Variants in LRRC27 observed in about 807,000 individuals in gnomAD.
LRRC27 encodes leucine rich repeat containing 27, also known as leucine-rich repeat-containing protein 27.
Under a neutral mutation model 55.0 loss-of-function variants are expected in LRRC27, and 57 were observed. The ratio of observed to expected loss-of-function variants is 1.04; its 90% CI spans 0.84 to 1.29. LRRC27 has a LOEUF of 1.29. LRRC27 is among the 50% of genes most tolerant of loss of function. The pLI, the probability that LRRC27 is intolerant of heterozygous loss-of-function variation, is 0.00. For missense variants in LRRC27, 721 were observed against 651.5 expected (o/e 1.11, Z -1.16); for synonymous variants, 278 against 251.9 (o/e 1.10, Z -0.98).
In LRRC27 at chr10:132,351,698, G is replaced by A; in HGVS notation, c.1018G>A (p.Ala340Thr). 6.2e-7 allele frequency: 1 copy of A among 1,613,904 alleles called. No homozygotes were observed. The highest frequency in any genetic ancestry group is 8.5e-7 in the Non-Finnish European group (1 of 1,180,002). ...AGCAAAAAGACTGGAAGAGAGCCGA[G>A]CGGCGGCGCTCCGAGAGCTCCAGGA... is the stretch of plus-strand genomic sequence containing the variant. Reference protein sequence around the residue: ...IRAKRLEESRAAALRELQEKQ... With the variant: ...IRAKRLEESRTAALRELQEKQ... Residue 340 changes from alanine to threonine, a missense_variant, in exon 7 of 11, where the codon GCG becomes ACG. By Grantham distance (58) the Ala-to-Thr change is moderately conservative. Coordinates refer to ENST00000368614, the MANE Select transcript of LRRC27 (RefSeq NM_030626.3).
intron 9 of LRRC27, among the ~76,000 whole-genome samples, chr10:132,365,157 A>G (rs1167600681): frequency 6.6e-6 from 1 of 152,220 alleles, no homozygotes; most frequent in East Asian, 1.9e-4. Context: ...GTTTTTAAAT[A>G]AGAATAGTGT....
intron 7 of LRRC27, 82 bp from the exon 8 acceptor site, chr10:132,355,708 A>T (rs549481038): frequency 1.9e-6 from 2 of 1,080,534 alleles, no homozygotes; most frequent in African/African-American, 3.1e-5. Context: ...GTGCACCGCA[A>T]GGCTGTAGAA....
In LRRC27 at chr10:132,364,405, CTCCA is replaced by C. The variant is rs1564853165; in HGVS notation, c.1290-1018_1290-1015del. ...CACTTACACCCACCCTTACATCTAC[CTCCA>C]CACCCGCGCTTACACCCACGCTTAC... On this transcript the variant is annotated intron_variant, in intron 9 of 10. Coordinates refer to ENST00000368614, the MANE Select transcript of LRRC27 (RefSeq NM_030626.3). 1.8e-3 allele frequency among the ~76,000 whole-genome samples: 123 copies of C among 69,018 alleles called. 2 individuals are homozygous for C. The highest frequency in any genetic ancestry group is 9.4e-3 in the East Asian group (12 of 1,280). 45.3% of individuals were successfully genotyped at this position (69,018 alleles called of 152,430 possible).
chr10:132,336,552 G>A (rs910528271), intron 2 of LRRC27, among the ~76,000 whole-genome samples: 1 of 152,226 alleles, frequency 6.6e-6, no homozygotes, highest in Non-Finnish European at 1.5e-5. Context: ...GGCATGTGGT[G>A]CTCTGTGCAA....
chr10:132,349,066 C>T (rs369533870), intron 6 of LRRC27: 9 of 1,588,398 alleles, frequency 5.7e-6, no homozygotes, highest in African/African-American at 5.4e-5. Context: ...AGGTATGTAT[C>T]TGTGGTGTGC....
intron 9 of LRRC27, among the ~76,000 whole-genome samples, chr10:132,363,991 T>G (rs2068776487): frequency 6.6e-6 from 1 of 152,002 alleles, no homozygotes; most frequent in South Asian, 2.1e-4. Flanking sequence ...TTGAATGTTC[T>G]CTTACATCCT....
At chr10:132,357,673 C>G (rs1016615692) in intron 8 of LRRC27, among the ~76,000 whole-genome samples, 26 of 152,204 alleles carry the variant, frequency 1.7e-4, no homozygotes, top group Admixed American at 7.2e-4. Context: ...GGGGTCGATG[C>G]TGCCACAGTT....
chr10:132,372,305 G>A lies in LRRC27; in HGVS notation c.1417-2761G>A, dbSNP rs1190882955. Among the ~76,000 whole-genome samples the A allele has an allele frequency of 2.0e-5, 3 of 152,152 alleles. No individual in the cohort carries two copies. The highest frequency in any genetic ancestry group is 2.1e-4 in the South Asian group (1 of 4,832). ...TGGGGGTCGGGGTGCGGTGACTCAC[G>A]CCTGCAATCCCAGCACTTTGGGAGG... On this transcript the variant is annotated intron_variant, in intron 10 of 10. Transcript: ENST00000368614. This position sits in a 1 kb window ranked among gnomAD's most constrained non-coding sequence, Gnocchi z 4.0.
chr10:132,355,933 G>T, intron 8 of LRRC27, 47 bp downstream of exon 8: 1 of 1,371,318 alleles, frequency 7.3e-7, no homozygotes, highest in Non-Finnish European at 1.0e-6. Flanking sequence ...AGTCCCGGGG[G>T]TGGGTGGGTG....
At chr10:132,365,335 G>T in intron 9 of LRRC27, 89 bp from the exon 10 acceptor site, 1 of 1,533,920 alleles carries the variant, frequency 6.5e-7, no homozygotes, top group South Asian at 1.1e-5. Flanking sequence ...GGGAAGAAAG[G>T]CACATGCTTT....
chr10:132,365,579 A>G, intron 10 of LRRC27, 29 bp downstream of exon 10: 1 of 1,606,328 alleles, frequency 6.2e-7, no homozygotes, highest in East Asian at 2.2e-5. Flanking sequence ...TGTTTAAAAA[A>G]GTGTGGGGTG....
At chr10:132,342,614 T>TA (rs1297456528) in intron 4 of LRRC27, among the ~76,000 whole-genome samples, 11 of 152,352 alleles carry the variant, frequency 7.2e-5, no homozygotes, top group Non-Finnish European at 7.3e-5. Flanking sequence ...TTTTACCACT[T>TA]ACGTATGTTC....
chr10:132,368,172 G>A (rs1423443777), intron 10 of LRRC27, among the ~76,000 whole-genome samples: 2 of 152,152 alleles, frequency 1.3e-5, no homozygotes, highest in Admixed American at 6.5e-5. Context: ...TGAGGAAAAC[G>A]ACAAAACTTT....
Position 132,361,335 on chromosome 10 carries a change from G to T in LRRC27, c.1171-122G>T, listed in dbSNP as rs144497903. The T allele has an allele frequency of 2.3e-3, 1,783 of 792,178 alleles. 8 individuals carry two copies. Among genetic ancestry groups the T allele is most frequent in the Middle Eastern group, 8.8e-3 (37 of 4,220 alleles). 49.1% of individuals were successfully genotyped at this position (792,178 alleles called of 1,614,324 possible). On this transcript the variant is annotated intron_variant, in intron 8 of 10. Transcript: ENST00000368614. ...TGCGTTGCACAGGGACCGTCTACCC[G>T]GGGCGGCCTCGGACCCACCTCTTCG...
At chr10:132,331,332 C>T (rs151002352), upstream of LRRC27, 11 of 1,150,604 alleles carry the variant, frequency 9.6e-6, no homozygotes, top group African/African-American at 1.1e-4. Context: ...AATGAAGGTG[C>T]ACGGGACTCC....
chr10:132,364,473 ACACCCACCCACACTT>A (rs1397493425), intron 9 of LRRC27, among the ~76,000 whole-genome samples: 2 of 63,810 alleles, frequency 3.1e-5, no homozygotes, highest in Non-Finnish European at 5.8e-5. Context: ...ACCCACACTT[ACACCCACCCACACTT>A]ACACCCACCC....
intron 10 of LRRC27, among the ~76,000 whole-genome samples, chr10:132,369,942 G>A (rs986793172): frequency 2.6e-5 from 4 of 152,116 alleles, no homozygotes; most frequent in Non-Finnish European, 5.9e-5. Context: ...TGTGGCGGTT[G>A]GTCTCAAATG....
Position 132,372,304 on chromosome 10 carries a change from C to A in LRRC27, c.1417-2762C>A, listed in dbSNP as rs904971749. On this transcript the variant is annotated intron_variant, in intron 10 of 10. Transcript: ENST00000368614. The surrounding 1 kb of genome is among the most constrained non-coding windows in gnomAD (Gnocchi z 4.0). ...GTGGGGGTCGGGGTGCGGTGACTCA[C>A]GCCTGCAATCCCAGCACTTTGGGAG... 6.6e-6 allele frequency among the ~76,000 whole-genome samples: 1 copy of A among 152,170 alleles called. No individual in the cohort carries two copies. The highest frequency in any genetic ancestry group is 6.5e-5 in the Admixed American group (1 of 15,278).
rs2069034466 is a variant in LRRC27 at position 132,365,520 on chromosome 10, G to C, written c.1386G>C (p.Glu462Asp). Residue 462 changes from glutamate to aspartate, a missense_variant, in exon 10 of 11, where the codon GAG (glutamate) becomes GAC (aspartate). Physicochemically the swap from Glu to Asp is conservative, Grantham distance 45. Coordinates refer to ENST00000368614, the MANE Select transcript of LRRC27 (RefSeq NM_030626.3). Reference protein sequence around the residue: ...RRFHGQAPLEEMRKAAEDLEI... With the variant: ...RRFHGQAPLEDMRKAAEDLEI... ...TCCATGGCCAGGCCCCACTGGAGGA[G>C]ATGAGGAAGGCTGCCGAGGATCTGG... is the stretch of plus-strand genomic sequence containing the variant. 1.2e-6 allele frequency: 2 copies of C among 1,613,658 alleles called. No individual in the cohort carries two copies. Among genetic ancestry groups the C allele is most frequent in the Non-Finnish European group, 8.5e-7 (1 of 1,179,990 alleles).
Sources: allele counts gnomAD v4.1 joint callset (sites outside exome capture counted in the v4.1 genomes callset), GRCh38; gene constraint gnomAD v4.1.1; non-coding constraint Gnocchi (gnomAD v3.1); transcripts MANE v1.5; gene names NCBI Gene and HGNC (gene_info 2026-07-23, HGNC 2026-07-21).